Variants in CLK4 observed in about 807,000 individuals in gnomAD.
CLK4 encodes dual specificity protein kinase CLK4.
CLK4 carries 37 observed loss-of-function variants against 64.4 expected under a neutral mutation model. That is an observed-to-expected ratio of 0.57 (90% CI 0.44 to 0.76). The LOEUF is 0.76. Among genes scored for constraint, CLK4 ranks in the 30% least tolerant of loss-of-function variants. CLK4 has a pLI of 0.00. For missense variants in CLK4, 457 were observed against 605.1 expected (o/e 0.76, Z 2.57); for synonymous variants, 175 against 191.6 (o/e 0.91, Z 0.72).
chr5:178,609,135 A>G (rs1437158559), intron 9 of CLK4, among the ~76,000 whole-genome samples: 1 of 152,214 alleles, frequency 6.6e-6, no homozygotes, highest in Non-Finnish European at 1.5e-5. Flanking sequence ...TCAGAATAAA[A>G]CATCTAGCCT....
At chr5:178,612,641 A>C in intron 8 of CLK4, 96 bp from the exon 9 acceptor site, 1 of 1,346,130 alleles carries the variant, frequency 7.4e-7, no homozygotes, top group Non-Finnish European at 1.0e-6. Flanking sequence ...TTGATTGTCA[A>C]AGTAAGCTCA....
At chr5:178,625,647 G>A (rs1028514330) in intron 1 of CLK4, among the ~76,000 whole-genome samples, 1 of 151,926 alleles carries the variant, frequency 6.6e-6, no homozygotes, top group Admixed American at 6.5e-5. Context: ...CTTCAGTTTT[G>A]TTTTTTCCTC....
chr5:178,626,578 C>G (rs1764783041), intron 1 of CLK4, among the ~76,000 whole-genome samples: 1 of 152,252 alleles, frequency 6.6e-6, no homozygotes. Context: ...ACTTGATCTC[C>G]GACAACACGA....
chr5:178,615,296 C>A (rs1764612525), intron 5 of CLK4, among the ~76,000 whole-genome samples: 1 of 152,252 alleles, frequency 6.6e-6, no homozygotes, highest in African/African-American at 2.4e-5. Flanking sequence ...TGAATAAAGT[C>A]TGCAGATTAG....
intron 1 of CLK4, among the ~76,000 whole-genome samples, chr5:178,626,226 C>T (rs1421045986): frequency 2.0e-5 from 3 of 152,210 alleles, no homozygotes; most frequent in Non-Finnish European, 4.4e-5. Flanking sequence ...GACAAAGTGG[C>T]TGGCGAGTTC....
At chr5:178,612,268 T>G in intron 9 of CLK4, 148 bp downstream of exon 9, 1 of 633,008 alleles carries the variant, frequency 1.6e-6, no homozygotes, top group South Asian at 2.6e-5. Context: ...AAAGTATTTA[T>G]AGCAATGTCC....
intron 9 of CLK4, among the ~76,000 whole-genome samples, chr5:178,610,158 C>T (rs967881019): frequency 2.7e-5 from 4 of 145,700 alleles, no homozygotes; most frequent in South Asian, 4.5e-4. Flanking sequence ...GGCGTGGTGG[C>T]GGGCACCTGT....
At chr5:178,626,733 G>A (rs1412642697) in intron 1 of CLK4, among the ~76,000 whole-genome samples, 1 of 152,210 alleles carries the variant, frequency 6.6e-6, no homozygotes, top group African/African-American at 2.4e-5. Flanking sequence ...CGACGCGAGC[G>A]GCCAGGGCCC....
intron 7 of CLK4, 88 bp from the exon 8 acceptor site, chr5:178,612,978 G>T: frequency 3.2e-6 from 2 of 616,020 alleles, no homozygotes; most frequent in Non-Finnish European, 5.8e-6. Flanking sequence ...AGGATATAGT[G>T]GTCAAGAGAC....
intron 2 of CLK4, chr5:178,619,769 G>C: frequency 7.8e-7 from 1 of 1,277,888 alleles, no homozygotes; most frequent in South Asian, 1.2e-5. Flanking sequence ...TCCCAGTTAA[G>C]TGGCCTTGAT....
chr5:178,623,174 A>G, intron 2 of CLK4, 82 bp downstream of exon 2: 1 of 1,277,948 alleles, frequency 7.8e-7, no homozygotes, highest in Non-Finnish European at 1.1e-6. Flanking sequence ...AAACAATTTG[A>G]CAGATGAAAG....
In CLK4 at chr5:178,609,866, A is replaced by G. The variant is rs187979096; in HGVS notation, c.1052-1408T>C. 8.2e-5 allele frequency among the ~76,000 whole-genome samples: 12 copies of G among 147,210 alleles called. No homozygotes were observed. The East Asian group carries it at 1.5e-3, about 18-fold the overall frequency. On this transcript the variant is annotated intron_variant, in intron 9 of 12. Transcript: ENST00000316308. ...AGAGGTTGCAGTGAGCTGAGATTGCACCACTGCACTCCAGGCCAGGCAACA... is the reference window on the plus strand; with the variant it reads ...AGAGGTTGCAGTGAGCTGAGATTGCGCCACTGCACTCCAGGCCAGGCAACA...
chr5:178,618,826 A>G (rs1764665338), intron 2 of CLK4, 48 bp from the exon 3 acceptor site: 1 of 1,470,040 alleles, frequency 6.8e-7, no homozygotes, highest in African/African-American at 1.4e-5. Context: ...ATTCTGCAAT[A>G]ATGTGGTTCA....
Position 178,617,248 on chromosome 5 carries a change from A to G in CLK4, c.475+96T>C, listed in dbSNP as rs1389044106. The G allele has an allele frequency of 4.4e-6, 4 of 910,432 alleles. No individual in the cohort carries two copies. The highest frequency in any genetic ancestry group is 7.0e-6 in the Non-Finnish European group (4 of 573,072). The allele number at this position is 910,432 out of a possible 1,614,324, so 56.4% of individuals were successfully genotyped here. ...AAACCCACAAAAAGCAAAATAAAAA[A>G]GCAATGAAGAGTTCTTTAGCCCCCC... On this transcript the variant is annotated intron_variant, in intron 4 of 12. Coordinates refer to ENST00000316308, the MANE Select transcript of CLK4 (RefSeq NM_020666.3). This position sits in a 1 kb window ranked among gnomAD's most constrained non-coding sequence, Gnocchi z 5.2.
intron 1 of CLK4, among the ~76,000 whole-genome samples, chr5:178,625,582 G>A (rs1401770774): frequency 6.6e-6 from 1 of 151,980 alleles, no homozygotes; most frequent in African/African-American, 2.4e-5. Context: ...ATGACCGAGC[G>A]TTATTATTAT....
chr5:178,623,213 A>G (rs1764732346), intron 2 of CLK4, 43 bp downstream of exon 2: 2 of 1,550,694 alleles, frequency 1.3e-6, no homozygotes, highest in African/African-American at 2.7e-5. Context: ...AATCATTTAA[A>G]ACTATTAGAG....
At chr5:178,603,973 C>T (rs1581702737) in intron 11 of CLK4, 39 bp from the exon 12 acceptor site, 5 of 1,483,026 alleles carry the variant, frequency 3.4e-6, no homozygotes, top group Non-Finnish European at 4.6e-6. Context: ...AGTAAAATAA[C>T]AAGAGTCGTA....
intron 5 of CLK4, among the ~76,000 whole-genome samples, chr5:178,614,810 A>T (rs1362150615): frequency 1.3e-5 from 2 of 152,182 alleles, no homozygotes; most frequent in Admixed American, 6.5e-5. Context: ...CACTAAAAAA[A>T]TTTTTTAATG....
At chr5:178,619,481 TCTAAAATATATCCCC>T (rs1482076455) in intron 2 of CLK4, among the ~76,000 whole-genome samples, 1 of 152,226 alleles carries the variant, frequency 6.6e-6, no homozygotes, top group Non-Finnish European at 1.5e-5. Flanking sequence ...GCCAAAGGCA[TCTAAAATATATCCCC>T]CTAAAATAAG....
Sources: gnomAD v4.1 joint callset for allele counts (sites outside exome capture counted in the v4.1 genomes callset) on GRCh38, gnomAD v4.1.1 for gene constraint, Gnocchi (gnomAD v3.1) non-coding constraint, MANE v1.5 for transcripts, NCBI Gene and HGNC (gene_info 2026-07-23, HGNC 2026-07-21) for gene names.